PARL: variants seen among roughly 807,000 people sequenced by gnomAD.
PARL encodes presenilin associated rhomboid like.
In PARL, 44 loss-of-function variants were observed where a neutral mutation model predicts 51.6. The observed-to-expected ratio is 0.85, with a 90% confidence interval of 0.67 to 1.10. The LOEUF is 1.10. Among genes scored for constraint, PARL ranks in the 50% least tolerant of loss-of-function variants. PARL has a pLI of 0.00. For synonymous variants in PARL, 172 were observed against 164.0 expected (o/e 1.05, Z -0.37); for missense variants, 441 against 469.5 (o/e 0.94, Z 0.56).
At chr3:183,868,128 C>T (rs944767803) in intron 1 of PARL, 68 bp from the exon 2 acceptor site, 82 of 1,157,032 alleles carry the variant, frequency 7.1e-5, no homozygotes, top group Non-Finnish European at 9.1e-5. Context: ...TATGAACCTC[C>T]ACTTGGCCTG....
intron 5 of PARL, among the ~76,000 whole-genome samples, chr3:183,843,686 C>T (rs371927553): frequency 7.9e-5 from 12 of 152,116 alleles, no homozygotes; most frequent in South Asian, 4.1e-4. Flanking sequence ...AAAAAATTAG[C>T]GGGGCGTGGT....
intron 1 of PARL, among the ~76,000 whole-genome samples, chr3:183,876,635 A>G (rs1250382031): frequency 3.4e-5 from 4 of 117,370 alleles, no homozygotes; most frequent in African/African-American, 1.1e-4. Context: ...AAAAAAAAAA[A>G]AAAGAAAAAG....
At chr3:183,871,900 C>T (rs868766416) in intron 1 of PARL, among the ~76,000 whole-genome samples, 1 of 151,980 alleles carries the variant, frequency 6.6e-6, no homozygotes. Context: ...AAAGAATGCT[C>T]ATAGGACATC....
At chr3:183,852,206 TGTACATCAC>T (rs1156747260) in intron 4 of PARL, among the ~76,000 whole-genome samples, 1 of 152,124 alleles carries the variant, frequency 6.6e-6, no homozygotes, top group Non-Finnish European at 1.5e-5. Context: ...TCAGAACCTT[TGTACATCAC>T]AGCATTAGTC....
downstream of PARL, among the ~76,000 whole-genome samples, chr3:183,827,281 G>A (rs929111775): frequency 6.6e-6 from 1 of 151,768 alleles, no homozygotes; most frequent in Non-Finnish European, 1.5e-5. Context: ...GTGAGACCCT[G>A]TCTCTACAAA....
intron 1 of PARL, among the ~76,000 whole-genome samples, chr3:183,881,285 C>T (rs185888789): frequency 6.6e-6 from 1 of 151,956 alleles, no homozygotes; most frequent in African/African-American, 2.4e-5. Flanking sequence ...CCGTGCCTGG[C>T]TAATTTTTGT....
rs553225210 is a variant in PARL, at chr3:183,841,197, C to T, written c.758-557G>A. 3.4e-3 allele frequency among the ~76,000 whole-genome samples: 524 copies of T among 152,238 alleles called. 2 individuals carry two copies. Among genetic ancestry groups the T allele is most frequent in the Non-Finnish European group, 5.1e-3 (347 of 68,006 alleles). On this transcript the variant is annotated intron_variant, in intron 6 of 9. Coordinates refer to ENST00000317096, the MANE Select transcript of PARL (RefSeq NM_018622.7). ...CCCGTAAGTCTCTTTGGCTTCAGTGCCATTTGAGTCAACGTGGCTCATTTT... is the reference window on the plus strand; with the variant it reads ...CCCGTAAGTCTCTTTGGCTTCAGTGTCATTTGAGTCAACGTGGCTCATTTT...
intron 1 of PARL, among the ~76,000 whole-genome samples, chr3:183,873,530 CAG>C (rs942474965): frequency 1.5e-5 from 2 of 133,396 alleles, no homozygotes; most frequent in Non-Finnish European, 3.4e-5. Context: ...TCCTGAGTGA[CAG>C]AGCAAGACTC....
chr3:183,842,595 G>T (rs1729457740), intron 5 of PARL, 148 bp from the exon 6 acceptor site: 3 of 693,202 alleles, frequency 4.3e-6, no homozygotes, highest in Middle Eastern at 3.3e-4. Context: ...GGATCACTAA[G>T]TCAGGAGTTC....
At chr3:183,879,009 T>C (rs1005241778) in intron 1 of PARL, among the ~76,000 whole-genome samples, 2 of 152,256 alleles carry the variant, frequency 1.3e-5, no homozygotes, top group Admixed American at 6.5e-5. Context: ...AGCAAGGAGC[T>C]AGAACCTGAT....
intron 5 of PARL, 74 bp from the exon 6 acceptor site, chr3:183,842,521 A>C: frequency 6.9e-7 from 1 of 1,456,372 alleles, no homozygotes; most frequent in South Asian, 1.1e-5. Context: ...TTAAACTTTT[A>C]AAATTAGGCC....
intron 4 of PARL, among the ~76,000 whole-genome samples, chr3:183,855,024 T>C (rs1467686937): frequency 6.6e-6 from 1 of 152,096 alleles, no homozygotes; most frequent in African/African-American, 2.4e-5. Context: ...AAAAACATTA[T>C]GCTAAGTGAA....
At chr3:183,853,638 A>G (rs1730800658) in intron 4 of PARL, among the ~76,000 whole-genome samples, 2 of 152,310 alleles carry the variant, frequency 1.3e-5, no homozygotes, top group Admixed American at 1.3e-4. Flanking sequence ...TTTTCCAGAG[A>G]TGATAAAACA....
At chr3:183,857,239 C>T (rs969118400) in intron 4 of PARL, among the ~76,000 whole-genome samples, 53 of 152,230 alleles carry the variant, frequency 3.5e-4, no homozygotes, top group African/African-American at 9.9e-4. Context: ...ACAAGTGAGA[C>T]GCTGTCTCAA....
intron 4 of PARL, among the ~76,000 whole-genome samples, chr3:183,855,878 T>C (rs999335948): frequency 1.3e-5 from 2 of 151,466 alleles, no homozygotes; most frequent in Non-Finnish European, 2.9e-5. Flanking sequence ...GAGAATCACC[T>C]GAATCCGGGA....
At chr3:183,857,641 A>G (rs1731321839) in intron 4 of PARL, among the ~76,000 whole-genome samples, 1 of 152,238 alleles carries the variant, frequency 6.6e-6, no homozygotes, top group Admixed American at 6.5e-5. Flanking sequence ...GGAAGTTCAG[A>G]GTGAGAGAAA....
intron 7 of PARL, among the ~76,000 whole-genome samples, chr3:183,834,870 G>A (rs1477757000): frequency 2.5e-5 from 3 of 121,730 alleles, no homozygotes; most frequent in Non-Finnish European, 3.2e-5. Context: ...GTAAAACCCC[G>A]TCTCTACTAA....
chr3:183,883,606 A>G, intron 1 of PARL: 1 of 985,288 alleles, frequency 1.0e-6, no homozygotes, highest in South Asian at 4.7e-5. Context: ...TAAACCATGC[A>G]ATCTCAAATG....
chr3:183,846,971 A>G (rs1730029241), intron 4 of PARL, among the ~76,000 whole-genome samples: 1 of 152,204 alleles, frequency 6.6e-6, no homozygotes, highest in Non-Finnish European at 1.5e-5. Flanking sequence ...ACATCAAGAC[A>G]TGGGTAGCCA....
Sources: allele counts gnomAD v4.1 joint callset (sites outside exome capture counted in the v4.1 genomes callset), GRCh38; gene constraint gnomAD v4.1.1; transcripts MANE v1.5; gene names NCBI Gene and HGNC (gene_info 2026-07-23, HGNC 2026-07-21).